The following PRCP variants were observed in gnomAD, a reference collection of about 807,000 sequenced individuals.
PRCP encodes the protein lysosomal Pro-X carboxypeptidase.
In PRCP, 46 loss-of-function variants were observed where a neutral mutation model predicts 54.2. The observed-to-expected ratio is 0.85, with a 90% CI of 0.67 to 1.09. The LOEUF (loss-of-function observed/expected upper bound fraction) is 1.09. PRCP is among the 50% of genes least tolerant of loss of function. PRCP has a pLI of 0.00. For missense variants in PRCP, 613 were observed against 596.8 expected (o/e 1.03, Z -0.28); for synonymous variants, 240 against 212.2 (o/e 1.13, Z -1.14).
chr11:82,880,657 C>A (rs1859726413), intron 1 of PRCP, among the ~76,000 whole-genome samples: 1 of 152,170 alleles, frequency 6.6e-6, no homozygotes, highest in Admixed American at 6.5e-5. Context: ...ATCTTGGAAC[C>A]TCCTCACTTT....
At chr11:82,874,503 C>G (rs781131704) in intron 1 of PRCP, among the ~76,000 whole-genome samples, 12 of 152,068 alleles carry the variant, frequency 7.9e-5, no homozygotes, top group South Asian at 2.1e-4. Flanking sequence ...CCAGCCTGGG[C>G]AACATGGCAA....
intron 1 of PRCP, among the ~76,000 whole-genome samples, chr11:82,891,266 T>C (rs1860003282): frequency 6.6e-6 from 1 of 152,134 alleles, no homozygotes; most frequent in Non-Finnish European, 1.5e-5. Context: ...TCATCAACTA[T>C]ACCTCTCAGC....
At chr11:82,855,344 C>T (rs888968722) in intron 2 of PRCP, among the ~76,000 whole-genome samples, 14 of 152,178 alleles carry the variant, frequency 9.2e-5, no homozygotes, top group African/African-American at 3.1e-4. Flanking sequence ...AAGGGCCGGG[C>T]ATGGTGGCTC....
At chr11:82,841,827 A>G (rs1591042336) in intron 6 of PRCP, among the ~76,000 whole-genome samples, 1 of 152,362 alleles carries the variant, frequency 6.6e-6, no homozygotes, top group East Asian at 1.9e-4. Context: ...GAAATATGTC[A>G]ATAAGAAATA....
At chr11:82,878,773 A>G (rs953847031) in intron 1 of PRCP, among the ~76,000 whole-genome samples, 8 of 152,116 alleles carry the variant, frequency 5.3e-5, no homozygotes, top group Non-Finnish European at 1.0e-4. Flanking sequence ...CTTGTCTATA[A>G]AGGATTTTAT....
intron 1 of PRCP, among the ~76,000 whole-genome samples, chr11:82,875,758 G>A (rs1185087703): frequency 6.6e-6 from 1 of 152,170 alleles, no homozygotes; most frequent in African/African-American, 2.4e-5. Context: ...GCAGCAAAGA[G>A]GAGGCACAAC....
intron 1 of PRCP, among the ~76,000 whole-genome samples, chr11:82,884,496 G>T (rs572657924): frequency 1.3e-5 from 2 of 152,282 alleles, no homozygotes; most frequent in South Asian, 4.1e-4. Context: ...TGTCGAGGCT[G>T]CAGTGAGCCA....
chr11:82,900,483 C>T, upstream of PRCP: 1 of 1,499,256 alleles, frequency 6.7e-7, no homozygotes, highest in South Asian at 1.2e-5. Flanking sequence ...CCTGCCCAGC[C>T]TGCAGCTCCG....
In PRCP at chr11:82,838,532, C is replaced by T. The variant is rs138336049; in HGVS notation, c.1129G>A (p.Asp377Asn). 2.9e-4 allele frequency: 473 copies of T among 1,613,830 alleles called. No individual in the cohort carries two copies. Among genetic ancestry groups the T allele is most frequent in the Admixed American group, 3.5e-4 (21 of 59,976 alleles). Reference protein sequence around the residue: ...VVMPFCTNGVDDMFEPHSWNL... With the variant: ...VVMPFCTNGVNDMFEPHSWNL... ...CATGAGTGAGGTTCAAACATGTCATCGACACCATTAGTACAAAAGGGCATG... is the reference window on the plus strand; with the variant it reads ...CATGAGTGAGGTTCAAACATGTCATTGACACCATTAGTACAAAAGGGCATG... The change falls in exon 8 of 9, where the codon GAT becomes AAT. Residue 377 changes from aspartate to asparagine, a missense_variant. Asp to Asn is a conservative substitution (Grantham distance 23). Coordinates refer to ENST00000313010, the MANE Select transcript of PRCP (RefSeq NM_005040.4).
chr11:82,880,978 TC>T (rs1225151534), intron 1 of PRCP, among the ~76,000 whole-genome samples: 1 of 152,206 alleles, frequency 6.6e-6, no homozygotes, highest in Non-Finnish European at 1.5e-5. Context: ...TGTGCAATTT[TC>T]CCTCTTCTAG....
In PRCP at chr11:82,849,962, C is replaced by G; in HGVS notation, c.703G>C (p.Glu235Gln). ...GCATCCCAGGACCTGTGGATGCTCTCTGAACAATGTGGACCGCTTTTCCTA... is the reference window on the plus strand; with the variant it reads ...GCATCCCAGGACCTGTGGATGCTCTGTGAACAATGTGGACCGCTTTTCCTA... Reference protein sequence around the residue: ...DFRKSGPHCSESIHRSWDAIN... With the variant: ...DFRKSGPHCSQSIHRSWDAIN... The change falls in exon 5 of 9, where the codon GAG (glutamate) becomes CAG (glutamine). Residue 235 changes from glutamate to glutamine, a missense_variant. By Grantham distance (29) the Glu-to-Gln change is conservative. Coordinates refer to ENST00000313010, the MANE Select transcript of PRCP (RefSeq NM_005040.4). The G allele has an allele frequency of 6.5e-7, 1 of 1,539,506 alleles. No individual in the cohort carries two copies. Among genetic ancestry groups the G allele is most frequent in the Non-Finnish European group, 8.8e-7 (1 of 1,140,518 alleles).
intron 1 of PRCP, among the ~76,000 whole-genome samples, chr11:82,895,007 A>T (rs1173963408): frequency 6.6e-6 from 1 of 152,204 alleles, no homozygotes; most frequent in African/African-American, 2.4e-5. Flanking sequence ...TAGGCCACAA[A>T]TCTATTAAAG....
At chr11:82,881,879 A>G (rs1859756484) in intron 1 of PRCP, among the ~76,000 whole-genome samples, 1 of 152,214 alleles carries the variant, frequency 6.6e-6, no homozygotes, top group South Asian at 2.1e-4. Flanking sequence ...AAATCTGCCT[A>G]TAACCTTTGA....
chr11:82,886,253 A>G (rs1253110010), intron 1 of PRCP, among the ~76,000 whole-genome samples: 1 of 152,198 alleles, frequency 6.6e-6, no homozygotes. Context: ...ATGGGTTAAT[A>G]TCTCTAAATC....
intron 6 of PRCP, among the ~76,000 whole-genome samples, chr11:82,844,424 T>TA (rs1478503894): frequency 5.5e-5 from 8 of 146,614 alleles, no homozygotes; most frequent in Admixed American, 3.4e-4. Flanking sequence ...CCTTCTCTCT[T>TA]AAAAAAATAA....
intron 1 of PRCP, among the ~76,000 whole-genome samples, chr11:82,892,470 G>A (rs928151981): frequency 1.3e-5 from 2 of 151,978 alleles, no homozygotes; most frequent in South Asian, 4.1e-4. Flanking sequence ...TTGTTAAATA[G>A]ATAATAAAAA....
At chr11:82,844,410 G>A (rs889539969) in intron 6 of PRCP, among the ~76,000 whole-genome samples, 7 of 151,970 alleles carry the variant, frequency 4.6e-5, no homozygotes, top group African/African-American at 1.7e-4. Flanking sequence ...GTAACAGAAT[G>A]AGACCTTCTC....
At chr11:82,854,029 C>A (rs989213423) in intron 2 of PRCP, among the ~76,000 whole-genome samples, 1 of 152,174 alleles carries the variant, frequency 6.6e-6, no homozygotes, top group Admixed American at 6.5e-5. Flanking sequence ...CCATCTATGA[C>A]AAACCCATAG....
chr11:82,855,531 A>C (rs1195835421), intron 2 of PRCP, among the ~76,000 whole-genome samples: 1 of 152,204 alleles, frequency 6.6e-6, no homozygotes, highest in Non-Finnish European at 1.5e-5. Flanking sequence ...AGGCAGTAGA[A>C]TGGCGTGAAC....
Sources: gnomAD v4.1 joint callset for allele counts (sites outside exome capture counted in the v4.1 genomes callset) on GRCh38, gnomAD v4.1.1 for gene constraint, MANE v1.5 for transcripts, NCBI Gene and HGNC (gene_info 2026-07-23, HGNC 2026-07-21) for gene names.